ATF1: variants seen among roughly 807,000 people sequenced by gnomAD.
ATF1 encodes the protein activating transcription factor 1, also known as cyclic AMP-dependent transcription factor ATF-1.
ATF1 carries 16 observed loss-of-function variants against 34.7 expected under a neutral mutation model. That is an observed-to-expected ratio of 0.46 (90% confidence interval 0.31 to 0.70). The LOEUF is 0.70. Ranked by LOEUF, ATF1 falls within the 30% of genes least tolerant of loss-of-function variation. The pLI is 0.05. For synonymous variants in ATF1, 105 were observed against 113.1 expected, an observed-to-expected ratio of 0.93 and a Z score of 0.46; for missense variants, 255 against 321.6, an observed-to-expected ratio of 0.79 and a Z score of 1.58.
chr12:50,771,706 A>G (rs938142792), intron 1 of ATF1, among the ~76,000 whole-genome samples: 2 of 152,164 alleles, frequency 1.3e-5, no homozygotes, highest in African/African-American at 2.4e-5. Flanking sequence ...AAGGCATTCT[A>G]AGTCACGGGA....
intron 2 of ATF1, among the ~76,000 whole-genome samples, chr12:50,786,741 A>G (rs1007734550): frequency 2.6e-5 from 4 of 152,210 alleles, no homozygotes; most frequent in African/African-American, 9.6e-5. Flanking sequence ...TGCCACTGGG[A>G]GAAAGCCCCA....
chr12:50,772,741 T>A (rs141870967), intron 1 of ATF1, among the ~76,000 whole-genome samples: 1 of 152,078 alleles, frequency 6.6e-6, no homozygotes, highest in East Asian at 1.9e-4. Flanking sequence ...CAGGCTGGAG[T>A]GCGCCTAGCC....
At chr12:50,789,720 A>C (rs1422499560) in intron 2 of ATF1, among the ~76,000 whole-genome samples, 1 of 151,890 alleles carries the variant, frequency 6.6e-6, no homozygotes, top group East Asian at 1.9e-4. Context: ...GTGCCACTGC[A>C]CTCCAGCCTG....
At chr12:50,803,421 T>C (rs1941554026) in intron 3 of ATF1, among the ~76,000 whole-genome samples, 1 of 145,284 alleles carries the variant, frequency 6.9e-6, no homozygotes, top group Non-Finnish European at 1.5e-5. Flanking sequence ...ATGACTAAAA[T>C]AGAAAAAAAA....
intron 3 of ATF1, among the ~76,000 whole-genome samples, chr12:50,806,009 G>A (rs1201386754): frequency 6.6e-6 from 1 of 152,012 alleles, no homozygotes; most frequent in African/African-American, 2.4e-5. Context: ...AAATTAGCCG[G>A]GTGTGGTGGC....
chr12:50,810,110 G>C (rs1433252804), intron 4 of ATF1, among the ~76,000 whole-genome samples: 1 of 151,938 alleles, frequency 6.6e-6, no homozygotes, highest in Admixed American at 6.6e-5. Context: ...TGGGATTATA[G>C]ACATGAGCCA....
intron 1 of ATF1, among the ~76,000 whole-genome samples, chr12:50,779,031 A>G (rs756430785): frequency 3.3e-5 from 5 of 152,246 alleles, no homozygotes; most frequent in Non-Finnish European, 7.4e-5. Flanking sequence ...TATTTTTATG[A>G]CTGGGTTATT....
intron 1 of ATF1, among the ~76,000 whole-genome samples, chr12:50,777,650 A>G (rs1940957087): frequency 6.6e-6 from 1 of 151,902 alleles, no homozygotes; most frequent in Admixed American, 6.6e-5. Context: ...GCATGGTGGT[A>G]TGCACCTGTA....
intron 1 of ATF1, among the ~76,000 whole-genome samples, chr12:50,776,128 C>T (rs1453984572): frequency 6.6e-6 from 1 of 151,774 alleles, no homozygotes; most frequent in Non-Finnish European, 1.5e-5. Context: ...CTGGCTAACA[C>T]AGTGAAACCC....
intron 1 of ATF1, among the ~76,000 whole-genome samples, chr12:50,776,126 C>A (rs1464980458): frequency 2.6e-5 from 4 of 151,966 alleles, no homozygotes; most frequent in African/African-American, 4.8e-5. Flanking sequence ...TCCTGGCTAA[C>A]ACAGTGAAAC....
At chr12:50,774,849 G>A (rs1410986570) in intron 1 of ATF1, among the ~76,000 whole-genome samples, 2 of 150,620 alleles carry the variant, frequency 1.3e-5, no homozygotes, top group Admixed American at 6.6e-5. Flanking sequence ...CCGGGTTCAC[G>A]CCATTCTCCC....
intron 1 of ATF1, among the ~76,000 whole-genome samples, chr12:50,778,223 CCT>C (rs1940973974): frequency 9.1e-6 from 1 of 109,704 alleles, no homozygotes; most frequent in Admixed American, 1.1e-4. Flanking sequence ...GCCATATTAA[CCT>C]TTTTTTTTTT....
intron 2 of ATF1, chr12:50,788,250 A>G (rs1026724423): frequency 3.1e-5 from 14 of 452,840 alleles, no homozygotes; most frequent in African/African-American, 2.6e-4. Context: ...TAGTGTGAAC[A>G]TAGCTCACTG....
chr12:50,781,700 C>T (rs1018623979), intron 2 of ATF1, among the ~76,000 whole-genome samples: 2 of 152,052 alleles, frequency 1.3e-5, no homozygotes, highest in African/African-American at 4.8e-5. Flanking sequence ...ATCCACCCAC[C>T]TCAGCCTCCC....
chr12:50,817,485 T>C (rs1414415078), intron 6 of ATF1, among the ~76,000 whole-genome samples: 4 of 152,142 alleles, frequency 2.6e-5, no homozygotes, highest in African/African-American at 7.2e-5. Context: ...TATACGTATA[T>C]ACTACAACTA....
chr12:50,789,023 A>C (rs944082056), intron 2 of ATF1, among the ~76,000 whole-genome samples: 19 of 152,086 alleles, frequency 1.2e-4, no homozygotes, highest in African/African-American at 4.3e-4. Flanking sequence ...CATGCGTTAC[A>C]GTGCTAGCGA....
At chr12:50,802,459 A>G (rs909375211) in intron 3 of ATF1, among the ~76,000 whole-genome samples, 1 of 152,212 alleles carries the variant, frequency 6.6e-6, no homozygotes, top group African/African-American at 2.4e-5. Context: ...TGGGAGGCAG[A>G]GGTTGCAGTG....
chr12:50,808,103 C>G (rs770732141), intron 3 of ATF1, among the ~76,000 whole-genome samples: 1 of 152,174 alleles, frequency 6.6e-6, no homozygotes, highest in Non-Finnish European at 1.5e-5. Flanking sequence ...AGCCACTGTG[C>G]CCATCCCCAA....
chr12:50,818,476 G>A (rs1472180744), intron 6 of ATF1, among the ~76,000 whole-genome samples: 1 of 152,138 alleles, frequency 6.6e-6, no homozygotes, highest in African/African-American at 2.4e-5. Flanking sequence ...AACAAACAGA[G>A]CTTAAAGGTA....
Sources: gnomAD v4.1 joint callset for allele counts (sites outside exome capture counted in the v4.1 genomes callset) on GRCh38, gnomAD v4.1.1 for gene constraint, MANE v1.5 for transcripts, NCBI Gene and HGNC (gene_info 2026-07-23, HGNC 2026-07-21) for gene names.